The following KCNH5 variants were observed in gnomAD, a reference collection of about 807,000 sequenced individuals.
The protein encoded by KCNH5 is potassium voltage-gated channel subfamily H member 5, also known as voltage-gated delayed rectifier potassium channel KCNH5.
KCNH5 carries 46 observed loss-of-function variants against 96.1 expected under a neutral mutation model. The ratio of observed to expected loss-of-function variants is 0.48; its 90% confidence interval spans 0.38 to 0.61. The LOEUF (loss-of-function observed/expected upper bound fraction) is 0.61. KCNH5 is among the 20% of genes least tolerant of loss of function. The probability of loss-of-function intolerance (pLI) is 0.00; values close to 1 mark genes in which losing one functional copy is unlikely to be tolerated. For missense variants in KCNH5, 907 were observed against 1,225.8 expected, an observed-to-expected ratio of 0.74 and a Z score of 3.88; for synonymous variants, 439 against 449.8, an observed-to-expected ratio of 0.98 and a Z score of 0.30.
chr14:63,036,197 G>C (rs1232179200), intron 1 of KCNH5, among the ~76,000 whole-genome samples: 2 of 152,288 alleles, frequency 1.3e-5, no homozygotes, highest in Middle Eastern at 3.4e-3. Flanking sequence ...GTCAGTTAAT[G>C]AGGCAGCTCT....
intron 7 of KCNH5, among the ~76,000 whole-genome samples, chr14:62,899,766 G>T (rs971004548): frequency 6.6e-6 from 1 of 150,906 alleles, no homozygotes; most frequent in Non-Finnish European, 1.5e-5. Context: ...CCCGGGAGGC[G>T]GAGCTTGCAG....
Position 62,847,095 on chromosome 14 carries a change from C to T in KCNH5, c.1569+2558G>A, listed in dbSNP as rs543247797. 2.2e-3 allele frequency among the ~76,000 whole-genome samples: 320 copies of T among 147,822 alleles called. 2 individuals are homozygous for T. The highest frequency in any genetic ancestry group is 3.6e-3 in the Non-Finnish European group (242 of 67,164). On this transcript the variant is annotated intron_variant, in intron 8 of 10. Transcript: ENST00000322893. ...GATTACAGGCGTGAGCCACCGCGCC[C>T]GGCCCTGTATTGTATCTTTATTATT...
intron 7 of KCNH5, among the ~76,000 whole-genome samples, chr14:62,926,249 T>C (rs1889473997): frequency 6.6e-6 from 1 of 152,112 alleles, no homozygotes. Context: ...CCTTCGTAGT[T>C]GCTCTGATAA....
At chr14:62,782,062 C>T (rs1030407699) in intron 9 of KCNH5, among the ~76,000 whole-genome samples, 117 of 152,292 alleles carry the variant, frequency 7.7e-4, no homozygotes, top group Middle Eastern at 3.4e-3. Context: ...TGGCTTCAGC[C>T]GGTCCCTCCG....
At chr14:62,979,974 T>C (rs2139567236) in intron 6 of KCNH5, among the ~76,000 whole-genome samples, 1 of 152,236 alleles carries the variant, frequency 6.6e-6, no homozygotes, top group African/African-American at 2.4e-5. Flanking sequence ...AGGGACCTGG[T>C]GAGAGGTGAT....
chr14:62,977,852 G>A (rs982734470), intron 6 of KCNH5, among the ~76,000 whole-genome samples: 15 of 152,254 alleles, frequency 9.9e-5, no homozygotes, highest in Middle Eastern at 3.4e-3. Flanking sequence ...AGGGGAACAC[G>A]AAGAGCCTTT....
At position 62,802,357 on chromosome 14, in the gene KCNH5, G is replaced by T. The variant is rs2139999953; in HGVS notation, c.1794C>A (p.Ile598=). The change falls in exon 9 of 11, where the codon ATC becomes ATA. Residue 598 remains isoleucine, a synonymous_variant. Transcript: ENST00000322893. The part of the protein sequence containing the change: ...CFVVSGSLEV[I]QDDEVVAILG... ...AAATAGCCACCACCTCATCATCCTG[G>T]ATGACTTCCAAGGATCCTGACACCA... is the stretch of plus-strand genomic sequence containing the variant. The T allele has an allele frequency of 6.2e-7, 1 of 1,614,012 alleles. No individual in the cohort carries two copies. Among genetic ancestry groups the T allele is most frequent in the Non-Finnish European group, 8.5e-7 (1 of 1,179,968 alleles).
At chr14:63,013,236 A>G (rs1340991825) in intron 2 of KCNH5, among the ~76,000 whole-genome samples, 1 of 152,100 alleles carries the variant, frequency 6.6e-6, no homozygotes, top group African/African-American at 2.4e-5. Flanking sequence ...ACTTTTGAAC[A>G]TTCAAAACTG....
chr14:62,973,764 C>A (rs1393659838), intron 6 of KCNH5, among the ~76,000 whole-genome samples: 3 of 152,066 alleles, frequency 2.0e-5, no homozygotes, highest in Non-Finnish European at 4.4e-5. Context: ...CCTAGTTATA[C>A]CACTGAAGTA....
At chr14:62,992,178 A>G (rs1000696245) in intron 4 of KCNH5, among the ~76,000 whole-genome samples, 2 of 152,070 alleles carry the variant, frequency 1.3e-5, no homozygotes, top group Non-Finnish European at 2.9e-5. Flanking sequence ...TTTATGGCTG[A>G]GTAGCATCCC....
chr14:62,871,148 T>C lies in KCNH5; in HGVS notation c.1370-21296A>G, dbSNP rs550158739. 2.7e-4 allele frequency among the ~76,000 whole-genome samples: 41 copies of C among 152,322 alleles called. No individual in the cohort carries two copies. In the South Asian group the frequency reaches 6.4e-3, roughly 24 times the overall value. ...TTTTTGATTGGCTTATTGGGTATTA[T>C]TCAATATTGATTATCATCTGTGTAC... On this transcript the variant is annotated intron_variant, in intron 7 of 10. Coordinates refer to ENST00000322893, the MANE Select transcript of KCNH5 (RefSeq NM_139318.5).
chr14:62,933,762 T>A (rs917839344), intron 7 of KCNH5, among the ~76,000 whole-genome samples: 1 of 152,152 alleles, frequency 6.6e-6, no homozygotes, highest in Non-Finnish European at 1.5e-5. Flanking sequence ...ACTACATGTA[T>A]GTATTACCTC....
intron 8 of KCNH5, among the ~76,000 whole-genome samples, chr14:62,811,298 C>T (rs1886868784): frequency 1.3e-5 from 2 of 152,068 alleles, no homozygotes; most frequent in African/African-American, 4.8e-5. Flanking sequence ...CCAACTACAG[C>T]CAAAGTCCTA....
intron 10 of KCNH5, among the ~76,000 whole-genome samples, chr14:62,747,732 T>C (rs181325118): frequency 2.6e-5 from 4 of 152,314 alleles, no homozygotes; most frequent in African/African-American, 9.6e-5. Context: ...TGACTTAACA[T>C]CACAACCCCT....
Position 62,940,651 on chromosome 14 carries a change from T to C in KCNH5, c.1369+9482A>G, listed in dbSNP as rs563611435. ...TCCCCGAAAGGGCCAAGCTATTTGA[T>C]GCCTACATTTTTGCATATACTATGT... On this transcript the variant is annotated intron_variant, in intron 7 of 10. Transcript: ENST00000322893. Among the ~76,000 whole-genome samples the C allele has an allele frequency of 9.8e-5, 15 of 152,352 alleles. No individual in the cohort carries two copies. In the South Asian group the frequency reaches 2.7e-3, roughly 27 times the overall value.
intron 10 of KCNH5, among the ~76,000 whole-genome samples, chr14:62,710,430 TC>T (rs1884543767): frequency 6.6e-6 from 1 of 152,176 alleles, no homozygotes; most frequent in African/African-American, 2.4e-5. Context: ...TTCTTATGCT[TC>T]CCAAGTAAAC....
intron 6 of KCNH5, among the ~76,000 whole-genome samples, chr14:62,957,056 G>A (rs1890117721): frequency 1.3e-5 from 2 of 152,062 alleles, no homozygotes; most frequent in Admixed American, 1.3e-4. Context: ...AACACAACAG[G>A]GTGAATGGAG....
intron 10 of KCNH5, among the ~76,000 whole-genome samples, chr14:62,774,363 T>C (rs1886052823): frequency 1.3e-5 from 2 of 152,160 alleles, no homozygotes; most frequent in African/African-American, 2.4e-5. Flanking sequence ...ACTCATCAGT[T>C]AGTGGTGAGA....
At chr14:62,814,583 G>A (rs1886935939) in intron 8 of KCNH5, among the ~76,000 whole-genome samples, 1 of 151,862 alleles carries the variant, frequency 6.6e-6, no homozygotes, top group South Asian at 2.1e-4. Flanking sequence ...AGGAGCTTGA[G>A]ACCAGCCTGG....
Sources: gnomAD v4.1 joint callset for allele counts (sites outside exome capture counted in the v4.1 genomes callset) on GRCh38, gnomAD v4.1.1 for gene constraint, MANE v1.5 for transcripts, NCBI Gene and HGNC (gene_info 2026-07-23, HGNC 2026-07-21) for gene names.